BICD2: variants seen among roughly 807,000 people sequenced by gnomAD.
The protein encoded by BICD2 is protein bicaudal D homolog 2.
Under a neutral mutation model 72.9 loss-of-function variants are expected in BICD2, and 25 were observed. The ratio of observed to expected loss-of-function variants is 0.34; its 90% CI spans 0.25 to 0.48. The LOEUF is 0.48. Ranked by LOEUF, BICD2 falls within the 20% of genes least tolerant of loss-of-function variation. The probability of loss-of-function intolerance (pLI) is 0.99; values close to 1 mark genes in which losing one functional copy is unlikely to be tolerated. For synonymous variants in BICD2, 501 were observed against 516.1 expected (o/e 0.97, Z 0.40); for missense variants, 894 against 1,175.2 (o/e 0.76, Z 3.50).
intron 1 of BICD2, 39 bp from the exon 2 acceptor site, chr9:92,729,275 C>T (rs765840524): frequency 1.9e-6 from 3 of 1,606,220 alleles, no homozygotes; most frequent in South Asian, 2.2e-5. Context: ...GTGGGCCTCC[C>T]AGGGGCGCCG....
intron 1 of BICD2, among the ~76,000 whole-genome samples, chr9:92,755,642 C>T (rs933148986): frequency 1.2e-4 from 18 of 152,170 alleles, no homozygotes; most frequent in African/African-American, 4.3e-4. Flanking sequence ...GGGGCATGTT[C>T]CCCGATAATT....
At position 92,764,452 on chromosome 9, in the gene BICD2, C is replaced by G; in HGVS notation, c.240+53G>C. On this transcript the variant is annotated intron_variant, in intron 1 of 6. Transcript: ENST00000356884. The surrounding 1 kb of genome is among the most constrained non-coding windows in gnomAD (Gnocchi z 5.5). ...GGCCGCCCTGGTGCCAGGGACGACG[C>G]CCACAGGCCCCGGCGCCGGGCGGGG... The G allele has an allele frequency of 1.4e-6, 2 of 1,432,314 alleles. No individual in the cohort carries two copies. Among genetic ancestry groups the G allele is most frequent in the Non-Finnish European group, 1.8e-6 (2 of 1,088,410 alleles). 88.7% of individuals were successfully genotyped at this position (1,432,314 alleles called of 1,614,324 possible).
At chr9:92,762,707 C>T (rs114069774) in intron 1 of BICD2, among the ~76,000 whole-genome samples, 335 of 152,290 alleles carry the variant, frequency 2.2e-3, no homozygotes, top group African/African-American at 7.7e-3. Flanking sequence ...GGCACCAAAG[C>T]GGGGACAAGT....
At chr9:92,722,518 G>A in intron 3 of BICD2, 138 bp downstream of exon 3, 1 of 1,137,868 alleles carries the variant, frequency 8.8e-7, no homozygotes, top group Non-Finnish European at 1.2e-6. Context: ...TGCCTCCACA[G>A]TGGTAAAGCT....
At chr9:92,752,248 T>G (rs1048880829) in intron 1 of BICD2, among the ~76,000 whole-genome samples, 1 of 152,088 alleles carries the variant, frequency 6.6e-6, no homozygotes, top group South Asian at 2.1e-4. Context: ...CCAGGGCTTC[T>G]TGGGGTAAAT....
At chr9:92,729,443 A>C (rs995493018) in intron 1 of BICD2, among the ~76,000 whole-genome samples, 1 of 152,260 alleles carries the variant, frequency 6.6e-6, no homozygotes, top group Admixed American at 6.5e-5. Flanking sequence ...GCTGCACCCA[A>C]GGTTCATCTG....
chr9:92,724,208 C>CA (rs1265611089), intron 2 of BICD2, among the ~76,000 whole-genome samples: 2 of 152,218 alleles, frequency 1.3e-5, no homozygotes, highest in Non-Finnish European at 2.9e-5. Context: ...GCCCACCTCT[C>CA]ACACTGTTCT....
rs1854452134 is a variant in BICD2, at chr9:92,764,817, G to GCCGCCGCCA, written c.-74_-73insTGGCGGCGG. The GCCGCCGCCA allele has an allele frequency of 8.8e-7, 1 of 1,133,044 alleles. No individual in the cohort carries two copies. Among genetic ancestry groups the GCCGCCGCCA allele is most frequent in the Non-Finnish European group, 1.1e-6 (1 of 923,274 alleles). The allele number at this position is 1,133,044 out of a possible 1,614,324, so 70.2% of individuals were successfully genotyped here. On this transcript the variant is annotated 5_prime_UTR_variant, in exon 1 of 7. Transcript: ENST00000356884. The surrounding 1 kb of genome is among the most constrained non-coding windows in gnomAD (Gnocchi z 5.5). ...GCCCTCCTCAGCCGCCGCCGCTGCC[G>GCCGCCGCCA]CCGCCGCCGCCGCCCTGCCCCGACG...
intron 1 of BICD2, among the ~76,000 whole-genome samples, chr9:92,740,677 A>G (rs1305676266): frequency 6.6e-6 from 1 of 152,136 alleles, no homozygotes; most frequent in Non-Finnish European, 1.5e-5. Context: ...AAACCCAGAA[A>G]CAAAAGAAAA....
chr9:92,740,796 A>G (rs982857948), intron 1 of BICD2, among the ~76,000 whole-genome samples: 1 of 152,180 alleles, frequency 6.6e-6, no homozygotes, highest in Non-Finnish European at 1.5e-5. Context: ...AACACTTACC[A>G]ACCTGTCCAG....
At position 92,720,857 on chromosome 9, in the gene BICD2, T is replaced by C; in HGVS notation, c.607-102A>G. On this transcript the variant is annotated intron_variant, in intron 3 of 6. Transcript: ENST00000356884. The surrounding 1 kb of genome is among the most constrained non-coding windows in gnomAD (Gnocchi z 5.4). Reference sequence around the variant, plus strand: ...ACCAGCACACCAACTCCGGCCACTATGAAGCAAAAGATGAAGCGCCAGGTG... The same window carrying C: ...ACCAGCACACCAACTCCGGCCACTACGAAGCAAAAGATGAAGCGCCAGGTG... The C allele has an allele frequency of 7.8e-7, 1 of 1,275,266 alleles. No homozygotes were observed. Among genetic ancestry groups the C allele is most frequent in the Non-Finnish European group, 1.1e-6 (1 of 938,290 alleles). 79.0% of individuals were successfully genotyped at this position (1,275,266 alleles called of 1,614,324 possible).
intron 1 of BICD2, among the ~76,000 whole-genome samples, chr9:92,761,251 C>A (rs1854366912): frequency 6.6e-6 from 1 of 152,178 alleles, no homozygotes; most frequent in Non-Finnish European, 1.5e-5. Flanking sequence ...TGAGACTGAG[C>A]AGGGACAAGG....
chr9:92,713,747 G>A lies in BICD2; in HGVS notation c.*1407C>T. ...AGTCTTGCTGGGGCAGGGGGATCTG[G>A]GCCCAGGATGAACACGCAGGGGACA... On this transcript the variant is annotated 3_prime_UTR_variant, in exon 7 of 7. Transcript: ENST00000356884. 7.5e-7 allele frequency: 1 copy of A among 1,336,500 alleles called. No homozygotes were observed. The highest frequency in any genetic ancestry group is 1.5e-5 in the African/African-American group (1 of 67,650). The allele number at this position is 1,336,500 out of a possible 1,614,324, so 82.8% of individuals were successfully genotyped here.
intron 1 of BICD2, among the ~76,000 whole-genome samples, chr9:92,746,791 C>T (rs568736050): frequency 1.3e-5 from 2 of 152,316 alleles, no homozygotes; most frequent in East Asian, 1.9e-4. Context: ...GCAGGCAGTA[C>T]GCTGCTGGGT....
At chr9:92,754,303 G>T (rs1203741059) in intron 1 of BICD2, among the ~76,000 whole-genome samples, 1 of 152,226 alleles carries the variant, frequency 6.6e-6, no homozygotes, top group Non-Finnish European at 1.5e-5. Flanking sequence ...GGAAGCTGTA[G>T]GTGCGTGTAT....
chr9:92,745,006 T>A (rs1474415012), intron 1 of BICD2, among the ~76,000 whole-genome samples: 2 of 152,056 alleles, frequency 1.3e-5, no homozygotes, highest in African/African-American at 4.8e-5. Flanking sequence ...TCACAGGGAG[T>A]TAAATTGCTT....
intron 1 of BICD2, among the ~76,000 whole-genome samples, chr9:92,763,891 G>C (rs1040535443): frequency 6.6e-6 from 1 of 152,196 alleles, no homozygotes; most frequent in African/African-American, 2.4e-5. Flanking sequence ...CAAGGGTACT[G>C]GGGGACCCAT....
intron 1 of BICD2, among the ~76,000 whole-genome samples, chr9:92,752,654 GACTGAGGTGGAAAGATC>G (rs1180859286): frequency 6.6e-6 from 1 of 152,180 alleles, no homozygotes; most frequent in Non-Finnish European, 1.5e-5. Context: ...CTACTGGGGA[GACTGAGGTGGAAAGATC>G]ACTTGAGCCC....
chr9:92,719,587 A>G lies in BICD2; in HGVS notation c.1063-5T>C. 1 of 1,595,356 alleles carries G rather than the reference A, an allele frequency of 6.3e-7. No homozygotes were observed. Among genetic ancestry groups the G allele is most frequent in the African/African-American group, 1.3e-5 (1 of 74,786 alleles). On this transcript the variant is annotated splice_region_variant and splice_polypyrimidine_tract_variant and intron_variant, in intron 4 of 6. Coordinates refer to ENST00000356884, the MANE Select transcript of BICD2 (RefSeq NM_001003800.2). ...GCCCGCCTTTTCCCGCTCCATCTGC[A>G]AAGGCACAGGCAGCAGGACACCATG...
Sources: gnomAD v4.1 joint callset for allele counts (sites outside exome capture counted in the v4.1 genomes callset) on GRCh38, gnomAD v4.1.1 for gene constraint, Gnocchi (gnomAD v3.1) non-coding constraint, MANE v1.5 for transcripts, NCBI Gene and HGNC (gene_info 2026-07-23, HGNC 2026-07-21) for gene names.